OSBP: variants seen among roughly 807,000 people sequenced by gnomAD.
The protein encoded by OSBP is oxysterol binding protein, also known as oxysterol-binding protein 1.
In OSBP, 32 loss-of-function variants were observed where a neutral mutation model predicts 96.6. The observed-to-expected ratio is 0.33, with a 90% CI of 0.25 to 0.45. The LOEUF is 0.45. OSBP is among the 20% of genes least tolerant of loss of function. OSBP has a pLI of 1.00. For synonymous variants in OSBP, 369 were observed against 389.6 expected, an observed-to-expected ratio of 0.95 and a Z score of 0.62; for missense variants, 653 against 1,029.7, an observed-to-expected ratio of 0.63 and a Z score of 5.01.
chr11:59,615,048 G>T (rs1181621425), intron 1 of OSBP, among the ~76,000 whole-genome samples: 1 of 152,226 alleles, frequency 6.6e-6, no homozygotes, highest in Non-Finnish European at 1.5e-5. Context: ...AACGACTAAT[G>T]ACTGGAAAGG....
intron 3 of OSBP, among the ~76,000 whole-genome samples, chr11:59,607,466 A>T (rs1691137828): frequency 6.6e-6 from 1 of 152,202 alleles, no homozygotes; most frequent in Non-Finnish European, 1.5e-5. Flanking sequence ...AATAAAGGTT[A>T]TCCAACTATC....
chr11:59,600,687 A>G, intron 6 of OSBP, 60 bp from the exon 7 acceptor site: 1 of 1,585,916 alleles, frequency 6.3e-7, no homozygotes, highest in South Asian at 1.2e-5. Flanking sequence ...GGTATTTATA[A>G]CCTTCCCTTC....
rs992099154 is a variant in OSBP, at chr11:59,584,216, G to A, written c.1679-2662C>T. Among the ~76,000 whole-genome samples, 6 of 152,036 alleles carry A rather than the reference G, an allele frequency of 3.9e-5. 1 individual carries two copies. Among genetic ancestry groups the A allele is most frequent in the Admixed American group, 2.0e-4 (3 of 15,264 alleles). On this transcript the variant is annotated intron_variant, in intron 9 of 13. Coordinates refer to ENST00000263847, the MANE Select transcript of OSBP (RefSeq NM_002556.3). Reference sequence around the variant, plus strand: ...CCCACCTCAGCCTCCCAAAGTACTAGGATTACAGGCACAAGCCACTGCACC... The same window carrying A: ...CCCACCTCAGCCTCCCAAAGTACTAAGATTACAGGCACAAGCCACTGCACC...
chr11:59,612,017 T>C (rs1185816298), intron 1 of OSBP, among the ~76,000 whole-genome samples: 1 of 152,220 alleles, frequency 6.6e-6, no homozygotes, highest in Non-Finnish European at 1.5e-5. Flanking sequence ...TCAAAGTCCT[T>C]TGCCAACTGC....
At chr11:59,582,843 C>T (rs970232657) in intron 9 of OSBP, among the ~76,000 whole-genome samples, 9 of 152,092 alleles carry the variant, frequency 5.9e-5, no homozygotes, top group Admixed American at 3.3e-4. Context: ...TGGGATAACA[C>T]GTCCTGTTGT....
chr11:59,610,638 C>G, intron 1 of OSBP, 49 bp from the exon 2 acceptor site: 4 of 1,411,274 alleles, frequency 2.8e-6, no homozygotes, highest in Non-Finnish European at 4.0e-6. Context: ...GACGGTTTAT[C>G]CTTTATCACA....
rs751950026 is a variant in OSBP, at chr11:59,578,326, G to A, written c.1883C>T (p.Thr628Met). ...TCCTGATGGATCTGTCACTTCCCCC[G>A]TCACCTGCAAGGGTGGAGAACAGGG... is the stretch of plus-strand genomic sequence containing the variant. ...YFSRDVARKV[T>M]GEVTDPSGKV... is the part of the protein sequence containing the mutation. The change falls in exon 12 of 14, where the codon ACG (threonine) becomes ATG (methionine). Residue 628 changes from threonine to methionine, a missense_variant. This residue lies in a region of OSBP where 169 missense variants were observed against 251.5 expected (regional missense o/e 0.67). Coordinates refer to ENST00000263847, the MANE Select transcript of OSBP (RefSeq NM_002556.3). 8.1e-6 allele frequency: 13 copies of A among 1,613,556 alleles called. No individual in the cohort carries two copies. The highest frequency in any genetic ancestry group is 2.2e-5 in the South Asian group (2 of 91,010).
At chr11:59,577,532 G>C (rs1049200180) in intron 12 of OSBP, among the ~76,000 whole-genome samples, 1 of 151,464 alleles carries the variant, frequency 6.6e-6, no homozygotes, top group African/African-American at 2.4e-5. Context: ...TCACTCTGTC[G>C]CCTAGGCTGG....
rs1355823565 is a variant in OSBP at position 59,575,225 on chromosome 11, AAGAAAAGAGGC to A, written c.*1341_*1351del. 4 of 152,240 alleles carry A rather than the reference AAGAAAAGAGGC, an allele frequency of 2.6e-5. No individual in the cohort carries two copies. The highest frequency in any genetic ancestry group is 9.6e-5 in the African/African-American group (4 of 41,456). The allele number at this position is 152,240 out of a possible 1,614,324, so 9.4% of individuals were successfully genotyped here. ...TACCCACACTCTTCCTGAAAAGAGAAAGAAAAGAGGCAGGAAAGAGGTTAGGATTTCATTTT... is the reference window on the plus strand; with the variant it reads ...TACCCACACTCTTCCTGAAAAGAGAAAGGAAAGAGGTTAGGATTTCATTTT... On this transcript the variant is annotated 3_prime_UTR_variant, in exon 14 of 14. Coordinates refer to ENST00000263847, the MANE Select transcript of OSBP (RefSeq NM_002556.3).
chr11:59,590,791 T>C (rs1370357948), intron 9 of OSBP, among the ~76,000 whole-genome samples: 5 of 152,238 alleles, frequency 3.3e-5, no homozygotes, highest in Non-Finnish European at 7.3e-5. Flanking sequence ...TTGAGTGCCA[T>C]GGCAAATGTA....
intron 9 of OSBP, among the ~76,000 whole-genome samples, chr11:59,593,283 G>C (rs1052735909): frequency 4.6e-5 from 7 of 151,964 alleles, no homozygotes; most frequent in African/African-American, 1.5e-4. Flanking sequence ...GCCAAAGTAA[G>C]GAAGAAAACA....
At position 59,575,348 on chromosome 11, in the gene OSBP, C is replaced by T. The variant is rs1860349640; in HGVS notation, c.*1229G>A. ...CATGGACAAAGTCCCTGTTTAGTAACTGCCAGACATGATCCTGCTCAGGTT... is the reference window on the plus strand; with the variant it reads ...CATGGACAAAGTCCCTGTTTAGTAATTGCCAGACATGATCCTGCTCAGGTT... On this transcript the variant is annotated 3_prime_UTR_variant, in exon 14 of 14. Transcript: ENST00000263847. 6.6e-6 allele frequency: 1 copy of T among 152,192 alleles called. No individual in the cohort carries two copies. Among genetic ancestry groups the T allele is most frequent in the Non-Finnish European group, 1.5e-5 (1 of 68,048 alleles). The allele number at this position is 152,192 out of a possible 1,614,324, so 9.4% of individuals were successfully genotyped here.
chr11:59,613,136 G>C (rs891787035), intron 1 of OSBP, among the ~76,000 whole-genome samples: 3 of 152,204 alleles, frequency 2.0e-5, no homozygotes, highest in Admixed American at 2.0e-4. Flanking sequence ...TAAACTGCCA[G>C]TATACTTGAT....
At position 59,608,727 on chromosome 11, in the gene OSBP, T is replaced by G; in HGVS notation, c.579A>C (p.Ser193=). 6.2e-7 allele frequency: 1 copy of G among 1,614,084 alleles called. No individual in the cohort carries two copies. Among genetic ancestry groups the G allele is most frequent in the African/African-American group, 1.3e-5 (1 of 75,060 alleles). The change falls in exon 3 of 14, where the codon TCA becomes TCC. Residue 193 remains serine (S), a synonymous_variant. Coordinates refer to ENST00000263847, the MANE Select transcript of OSBP (RefSeq NM_002556.3). ...AVKMLAESDE[S]GDEESVSQTD... ...TTTGTGAGACAGACTCTTCATCTCC[T>G]GATTCATCTGTAGGAATGAAAAGAA...
At chr11:59,602,514 C>A (rs974944374) in intron 3 of OSBP, among the ~76,000 whole-genome samples, 2 of 152,226 alleles carry the variant, frequency 1.3e-5, no homozygotes, top group African/African-American at 2.4e-5. Flanking sequence ...GGATCAAATA[C>A]TAACTACTGG....
Position 59,605,279 on chromosome 11 carries a change from T to A in OSBP, c.822+3205A>T, listed in dbSNP as rs147826227. On this transcript the variant is annotated intron_variant, in intron 3 of 13. Transcript: ENST00000263847. Reference sequence around the variant, plus strand: ...CACAATTAACTCCTCCCAAGCCTCATGCTAGCTGCTTCCTTGCTCGACTAA... The same window carrying A: ...CACAATTAACTCCTCCCAAGCCTCAAGCTAGCTGCTTCCTTGCTCGACTAA... Among the ~76,000 whole-genome samples the A allele has an allele frequency of 7.5e-4, 115 of 152,336 alleles. 3 individuals are homozygous for A. The East Asian group carries it at 0.019, about 26-fold the overall frequency.
At position 59,610,504 on chromosome 11, in the gene OSBP, T is replaced by C. The variant is rs1278534804; in HGVS notation, c.448A>G (p.Ile150Val). 2.5e-6 allele frequency: 4 copies of C among 1,614,188 alleles called. No homozygotes were observed. Among genetic ancestry groups the C allele is most frequent in the Non-Finnish European group, 3.4e-6 (4 of 1,180,022 alleles). The change falls in exon 2 of 14, where the codon ATC (isoleucine) becomes GTC (valine). Residue 150 changes from isoleucine to valine, a missense_variant. Ile to Val is a conservative substitution (Grantham distance 29). Transcript: ENST00000263847. Reference protein sequence around the residue: ...NITVEDSCNFIISNGGAQTYH... With the variant: ...NITVEDSCNFVISNGGAQTYH... ...GTCTGAGCACCCCCATTGGAAATGA[T>C]GAAGTTGCAGGAGTCCTCCACGGTG... is the stretch of plus-strand genomic sequence containing the variant.
chr11:59,588,310 G>C (rs547115894), intron 9 of OSBP, among the ~76,000 whole-genome samples: 2 of 152,086 alleles, frequency 1.3e-5, no homozygotes, highest in Non-Finnish European at 2.9e-5. Context: ...AAGGCAGATG[G>C]ATCACTTGAG....
intron 9 of OSBP, among the ~76,000 whole-genome samples, chr11:59,582,786 T>C (rs767714635): frequency 2.0e-5 from 3 of 152,162 alleles, no homozygotes; most frequent in African/African-American, 4.8e-5. Context: ...CATTACAGTA[T>C]TGCACTATGA....
Sources: gnomAD v4.1 joint callset for allele counts (sites outside exome capture counted in the v4.1 genomes callset) on GRCh38, gnomAD v4.1.1 for gene constraint, gnomAD v4.1.1 regional missense constraint, MANE v1.5 for transcripts, NCBI Gene and HGNC (gene_info 2026-07-23, HGNC 2026-07-21) for gene names.